Variants in CHST15 observed in about 807,000 individuals in gnomAD.
CHST15 encodes carbohydrate sulfotransferase 15, also known as B cell RAG associated protein (GALNAC4S-6ST).
A neutral mutation model predicts 53.6 loss-of-function variants in CHST15; 30 were observed. The observed-to-expected ratio is 0.56, with a 90% confidence interval of 0.42 to 0.76. The LOEUF (loss-of-function observed/expected upper bound fraction) is 0.76, where lower values mean the gene tolerates loss of function less well. CHST15 is among the 30% of genes least tolerant of loss of function. The probability of loss-of-function intolerance (pLI) is 0.00; values close to 1 mark genes in which losing one functional copy is unlikely to be tolerated. For missense variants in CHST15, 627 were observed against 740.5 expected (o/e 0.85, Z 1.78); for synonymous variants, 296 against 289.8 (o/e 1.02, Z -0.22).
At chr10:124,027,499 C>T (rs1195836062) in intron 5 of CHST15, among the ~76,000 whole-genome samples, 3 of 152,194 alleles carry the variant, frequency 2.0e-5, no homozygotes, top group Admixed American at 6.5e-5. Flanking sequence ...TCTGAGCCAG[C>T]GAGCAGAGGT....
intron 5 of CHST15, among the ~76,000 whole-genome samples, chr10:124,022,811 C>CTTTTTTTTTT (rs924775599): frequency 6.0e-5 from 6 of 100,426 alleles, no homozygotes; most frequent in Non-Finnish European, 9.8e-5. Context: ...CTTGGCATTT[C>CTTTTTTTTTT]TTTTTTTTTT....
chr10:124,061,445 C>T (rs1354422368), intron 1 of CHST15, among the ~76,000 whole-genome samples: 1 of 152,228 alleles, frequency 6.6e-6, no homozygotes, highest in African/African-American at 2.4e-5. Context: ...ATTCTGGGTC[C>T]TCCCCAGCCA....
intron 1 of CHST15, 75 bp from the exon 2 acceptor site, chr10:124,046,799 G>A (rs1238217454): frequency 6.6e-6 from 1 of 152,192 alleles, no homozygotes; most frequent in Non-Finnish European, 1.5e-5. Flanking sequence ...TCCAAGGAGA[G>A]ACAGATGCTC....
chr10:124,013,165 G>T (rs1946471269), intron 6 of CHST15, among the ~76,000 whole-genome samples: 1 of 152,150 alleles, frequency 6.6e-6, no homozygotes. Context: ...TGATGTCTGG[G>T]CCCCTGGATG....
intron 4 of CHST15, among the ~76,000 whole-genome samples, chr10:124,039,637 A>C (rs1345343518): frequency 1.3e-5 from 2 of 152,334 alleles, no homozygotes; most frequent in Middle Eastern, 3.4e-3. Flanking sequence ...CGAGTGAAGG[A>C]TGTAAATGGC....
intron 6 of CHST15, chr10:124,020,919 G>T (rs774076382): frequency 7.3e-6 from 10 of 1,377,968 alleles, no homozygotes; most frequent in Admixed American, 3.4e-5. Flanking sequence ...ATGCTCTTAA[G>T]ACAATTTGAG....
At chr10:124,042,794 G>A (rs991742819) in intron 3 of CHST15, among the ~76,000 whole-genome samples, 1 of 152,150 alleles carries the variant, frequency 6.6e-6, no homozygotes, top group Non-Finnish European at 1.5e-5. Flanking sequence ...GGTGGGACTC[G>A]TAAGTGGCTG....
Position 124,021,247 on chromosome 10 carries a change from G to A in CHST15, c.1347+9C>T, listed in dbSNP as rs772494980. ...CAGCTCGGGGGGTACGGGGGGGGGG[G>A]GTACACACAGGCATGGCGTTGTTGA... is the stretch of plus-strand genomic sequence containing the variant. On this transcript the variant is annotated intron_variant, in intron 6 of 7. Transcript: ENST00000435907. 4.5e-6 allele frequency: 7 copies of A among 1,543,150 alleles called. No individual in the cohort carries two copies. In the South Asian group the frequency reaches 4.6e-5, roughly 10 times the overall value.
At position 124,024,747 on chromosome 10, in the gene CHST15, A is replaced by G. The variant is rs1372521416; in HGVS notation, c.1191-3335T>C. 6.6e-6 allele frequency among the ~76,000 whole-genome samples: 1 copy of G among 152,248 alleles called. No individual in the cohort carries two copies. The highest frequency in any genetic ancestry group is 1.5e-5 in the Non-Finnish European group (1 of 68,040). ...CCTAAATGGCTGGTCAATAAGTGCC[A>G]AAATCAGACACGCGTGAACCTTCAA... On this transcript the variant is annotated intron_variant, in intron 5 of 7. Coordinates refer to ENST00000435907, the MANE Select transcript of CHST15 (RefSeq NM_001270764.2). The surrounding 1 kb of genome is among the most constrained non-coding windows in gnomAD (Gnocchi z 4.0).
chr10:124,074,422 G>C lies in CHST15; in HGVS notation c.-513+19047C>G, dbSNP rs561990174. Among the ~76,000 whole-genome samples, 5 of 152,302 alleles carry C rather than the reference G, an allele frequency of 3.3e-5. No homozygotes were observed. Among genetic ancestry groups the C allele is most frequent in the African/African-American group, 1.2e-4 (5 of 41,550 alleles). ...ATTCAGGTGGCAGGTAGGGGCGGGG[G>C]CCTAGTTGGGAGCATCGCCCAGTTG... On this transcript the variant is annotated intron_variant, in intron 1 of 7. Coordinates refer to ENST00000435907, the MANE Select transcript of CHST15 (RefSeq NM_001270764.2). The surrounding 1 kb of genome is among the most constrained non-coding windows in gnomAD (Gnocchi z 4.4).
rs180800901 is a variant in CHST15, at chr10:124,021,710, A to T, written c.1191-298T>A. Among the ~76,000 whole-genome samples, 553 of 152,322 alleles carry T rather than the reference A, an allele frequency of 3.6e-3. 2 individuals carry two copies. Among genetic ancestry groups the T allele is most frequent in the African/African-American group, 0.013 (534 of 41,572 alleles). ...CTCAGGCAGCCTCTGTTTTCACAGT[A>T]ACAGGGAGCTTCAAACAATACCAGA... On this transcript the variant is annotated intron_variant, in intron 5 of 7. Transcript: ENST00000435907.
rs754676725 is a variant in CHST15 at position 124,007,809 on chromosome 10, C to T, written c.*2340G>A. On this transcript the variant is annotated 3_prime_UTR_variant, in exon 8 of 8. Transcript: ENST00000435907. Reference sequence around the variant, plus strand: ...AGGACTAAGGGAGTACAATTTAACACGGTCACAACTTTTGAGAACAAAAAG... The same window carrying T: ...AGGACTAAGGGAGTACAATTTAACATGGTCACAACTTTTGAGAACAAAAAG... 515 of 1,231,920 alleles carry T rather than the reference C, an allele frequency of 4.2e-4. No homozygotes were observed. Among genetic ancestry groups the T allele is most frequent in the Non-Finnish European group, 4.8e-4 (477 of 987,928 alleles). 76.3% of individuals were successfully genotyped at this position (1,231,920 alleles called of 1,614,324 possible).
chr10:124,055,927 T>G (rs1948365051), intron 1 of CHST15, among the ~76,000 whole-genome samples: 1 of 152,130 alleles, frequency 6.6e-6, no homozygotes, highest in African/African-American at 2.4e-5. Context: ...TGATGGTGGG[T>G]ACACTCAGAC....
chr10:124,085,269 A>G (rs1271373953), intron 1 of CHST15, among the ~76,000 whole-genome samples: 5 of 152,388 alleles, frequency 3.3e-5, no homozygotes, highest in African/African-American at 9.6e-5. Context: ...AAACACCAGC[A>G]GCCTCCACAT....
chr10:124,038,328 A>T (rs537505619), intron 5 of CHST15, among the ~76,000 whole-genome samples, 187 bp downstream of exon 5: 1 of 150,470 alleles, frequency 6.6e-6, no homozygotes, highest in Admixed American at 6.6e-5. Flanking sequence ...CTGGTCTTGA[A>T]CTCCTGACCT....
chr10:124,064,245 A>G (rs1250460066), intron 1 of CHST15, among the ~76,000 whole-genome samples: 2 of 152,260 alleles, frequency 1.3e-5, no homozygotes. Context: ...TGACTGGTAC[A>G]ATCAAGACCT....
chr10:124,066,592 G>A (rs1288459441), intron 1 of CHST15, among the ~76,000 whole-genome samples: 3 of 152,224 alleles, frequency 2.0e-5, no homozygotes, highest in African/African-American at 7.2e-5. Flanking sequence ...GTCTTTGGTT[G>A]ACTTAGTTTT....
chr10:124,046,465 A>G lies in CHST15; in HGVS notation c.-253T>C, dbSNP rs976818411. 2.6e-6 allele frequency: 1 copy of G among 391,888 alleles called. No homozygotes were observed. Among genetic ancestry groups the G allele is most frequent in the Non-Finnish European group, 4.5e-6 (1 of 220,864 alleles). The allele number at this position is 391,888 out of a possible 1,614,324, so 24.3% of individuals were successfully genotyped here. A position where few individuals can be genotyped will look rare whatever the true frequency, so the allele number is the denominator to read the frequency against. ...GTCATGTTCTACAAGAGCCGCTGCA[A>G]CCTCAGAGAAGGTCACAAGTTCGGG... is the stretch of plus-strand genomic sequence containing the variant. On this transcript the variant is annotated 5_prime_UTR_variant, in exon 2 of 8. Coordinates refer to ENST00000435907, the MANE Select transcript of CHST15 (RefSeq NM_001270764.2).
chr10:124,009,925 G>A lies in CHST15; in HGVS notation c.*224C>T. On this transcript the variant is annotated 3_prime_UTR_variant, in exon 8 of 8. Coordinates refer to ENST00000435907, the MANE Select transcript of CHST15 (RefSeq NM_001270764.2). ...CAGAGCTGAATTCTTGAGAAACTGG[G>A]GTCTCCAATGGCCTCGGATAGAGGA... 7.3e-7 allele frequency: 1 copy of A among 1,375,036 alleles called. No homozygotes were observed. The highest frequency in any genetic ancestry group is 9.4e-7 in the Non-Finnish European group (1 of 1,064,694). 85.2% of individuals were successfully genotyped at this position (1,375,036 alleles called of 1,614,324 possible). A position where few individuals can be genotyped will look rare whatever the true frequency, so the allele number is the denominator to read the frequency against.
Sources: allele counts gnomAD v4.1 joint callset (sites outside exome capture counted in the v4.1 genomes callset), GRCh38; gene constraint gnomAD v4.1.1; non-coding constraint Gnocchi (gnomAD v3.1); transcripts MANE v1.5; gene names NCBI Gene and HGNC (gene_info 2026-07-23, HGNC 2026-07-21).